PEX14: variants seen among roughly 807,000 people sequenced by gnomAD.
PEX14 encodes peroxisomal membrane protein PEX14.
Under a neutral mutation model 49.5 loss-of-function variants are expected in PEX14, and 15 were observed. The observed-to-expected ratio is 0.30, with a 90% CI of 0.20 to 0.47. PEX14 has a LOEUF of 0.47. Ranked by LOEUF, PEX14 falls within the 20% of genes least tolerant of loss-of-function variation. The pLI, the probability that PEX14 is intolerant of heterozygous loss-of-function variation, is 1.00. For missense variants in PEX14, 398 were observed against 494.8 expected, an observed-to-expected ratio of 0.80 and a Z score of 1.86; for synonymous variants, 210 against 212.7, an observed-to-expected ratio of 0.99 and a Z score of 0.11.
At chr1:10,559,869 C>T (rs1389698365) in intron 3 of PEX14, among the ~76,000 whole-genome samples, 2 of 152,114 alleles carry the variant, frequency 1.3e-5, no homozygotes, top group Non-Finnish European at 1.5e-5. Flanking sequence ...TGGGGAGCTG[C>T]GAGGCTGAGT....
chr1:10,485,580 A>G (rs1641354036), intron 1 of PEX14, among the ~76,000 whole-genome samples: 1 of 151,334 alleles, frequency 6.6e-6, no homozygotes, highest in African/African-American at 2.4e-5. Flanking sequence ...CTGCCTCCCA[A>G]AGTGCTGGAA....
At chr1:10,556,779 C>T (rs769177188) in intron 3 of PEX14, among the ~76,000 whole-genome samples, 4 of 152,204 alleles carry the variant, frequency 2.6e-5, no homozygotes, top group Non-Finnish European at 5.9e-5. Context: ...TACAGGAACA[C>T]ACTTCACAAA....
At chr1:10,530,615 C>T (rs760587311) in intron 2 of PEX14, among the ~76,000 whole-genome samples, 1 of 152,194 alleles carries the variant, frequency 6.6e-6, no homozygotes. Flanking sequence ...CTTGCAGAGG[C>T]GCGTATTGAA....
In PEX14 at chr1:10,495,062, G is replaced by C; in HGVS notation, c.37-212G>C. Reference sequence around the variant, plus strand: ...TGGAGTGGTGTGACAAGTGAACCCAGAAACAGTCTTCATCTTCCCTGGTGA... The same window carrying C: ...TGGAGTGGTGTGACAAGTGAACCCACAAACAGTCTTCATCTTCCCTGGTGA... On this transcript the variant is annotated intron_variant, in intron 1 of 8. Transcript: ENST00000356607. The surrounding 1 kb of genome is among the most constrained non-coding windows in gnomAD (Gnocchi z 4.2). 1.0e-6 allele frequency: 1 copy of C among 980,340 alleles called. No individual in the cohort carries two copies. The highest frequency in any genetic ancestry group is 1.2e-6 in the Non-Finnish European group (1 of 825,278). The allele number at this position is 980,340 out of a possible 1,614,324, so 60.7% of individuals were successfully genotyped here. A position where few individuals can be genotyped will look rare whatever the true frequency, so the allele number is the denominator to read the frequency against.
intron 3 of PEX14, among the ~76,000 whole-genome samples, chr1:10,552,579 A>ATCCATTTACTAAAAATCC (rs2124513219): frequency 6.6e-6 from 1 of 152,196 alleles, no homozygotes; most frequent in East Asian, 1.9e-4. Context: ...TGGAAAAATC[A>ATCCATTTACTAAAAATCC]TCTATCCATT....
chr1:10,627,657 G>A (rs931027987), intron 8 of PEX14, among the ~76,000 whole-genome samples: 66 of 152,256 alleles, frequency 4.3e-4, no homozygotes, highest in Non-Finnish European at 1.9e-4. Flanking sequence ...TTGGAGCAGA[G>A]GAGAACTTCC....
At chr1:10,479,026 C>A (rs1212161545) in intron 1 of PEX14, among the ~76,000 whole-genome samples, 2 of 151,684 alleles carry the variant, frequency 1.3e-5, no homozygotes, top group South Asian at 4.2e-4. Flanking sequence ...GCTGGGATTA[C>A]AGGTGTGAGC....
chr1:10,497,764 T>TGGG (rs1431450633), intron 2 of PEX14, among the ~76,000 whole-genome samples: 1 of 152,196 alleles, frequency 6.6e-6, no homozygotes, highest in Admixed American at 6.5e-5. Context: ...ATTTCAGTGT[T>TGGG]GGGGGAACAC....
chr1:10,489,055 A>G (rs1007015365), intron 1 of PEX14, among the ~76,000 whole-genome samples: 2 of 152,018 alleles, frequency 1.3e-5, no homozygotes, highest in Admixed American at 1.3e-4. Flanking sequence ...ATCTCGGCTC[A>G]CCGCAACCCC....
chr1:10,616,366 T>A lies in PEX14; in HGVS notation c.299-1966T>A, dbSNP rs144881455. Among the ~76,000 whole-genome samples the A allele has an allele frequency of 1.1e-3, 174 of 152,240 alleles. 3 individuals carry two copies. The East Asian group carries it at 0.021, about 18-fold the overall frequency. The stretch of plus-strand genomic sequence containing the variant: ...GACATGGAAGGTACCTCTGAAAACT[T>A]ACAGGCACAGGTGAGAACTGAGGGC... On this transcript the variant is annotated intron_variant, in intron 4 of 8. Transcript: ENST00000356607.
At chr1:10,519,465 C>T (rs1267587392) in intron 2 of PEX14, among the ~76,000 whole-genome samples, 1 of 152,110 alleles carries the variant, frequency 6.6e-6, no homozygotes, top group Non-Finnish European at 1.5e-5. Context: ...GGTTGTGATC[C>T]GGAATACCAC....
intron 1 of PEX14, among the ~76,000 whole-genome samples, chr1:10,477,300 G>C (rs1641212802): frequency 6.6e-6 from 1 of 152,004 alleles, no homozygotes; most frequent in Admixed American, 6.6e-5. Context: ...TTGATCTCCT[G>C]ACCTCATGAT....
Position 10,539,587 on chromosome 1 carries a change from A to G in PEX14, c.169+3290A>G, listed in dbSNP as rs951600633. 1.5e-4 allele frequency among the ~76,000 whole-genome samples: 3 copies of G among 20,608 alleles called. No individual in the cohort carries two copies. Among genetic ancestry groups the G allele is most frequent in the African/African-American group, 1.9e-4 (3 of 15,502 alleles). 13.5% of individuals were successfully genotyped at this position (20,608 alleles called of 152,430 possible). A position where few individuals can be genotyped will look rare whatever the true frequency, so the allele number is the denominator to read the frequency against. ...GACTGTGTGTGGGGTTTAAGCCCTC[A>G]TAGAACCAGTCTATATATAGAAGCA... On this transcript the variant is annotated intron_variant, in intron 3 of 8. Coordinates refer to ENST00000356607, the MANE Select transcript of PEX14 (RefSeq NM_004565.3). The surrounding 1 kb of genome is among the most constrained non-coding windows in gnomAD (Gnocchi z 4.6).
In PEX14 at chr1:10,494,632, G is replaced by A. The variant is rs981510018; in HGVS notation, c.37-642G>A. Among the ~76,000 whole-genome samples the A allele has an allele frequency of 8.5e-5, 13 of 152,214 alleles. No individual in the cohort carries two copies. Among genetic ancestry groups the A allele is most frequent in the African/African-American group, 2.9e-4 (12 of 41,456 alleles). The stretch of plus-strand genomic sequence containing the variant: ...CGGCCACAGTGCTGCCTGCTCGCCT[G>A]GAGGTTGGTCTGCTTATATGCCAGC... On this transcript the variant is annotated intron_variant, in intron 1 of 8. Transcript: ENST00000356607. This position sits in a 1 kb window ranked among gnomAD's most constrained non-coding sequence, Gnocchi z 4.3.
chr1:10,535,960 A>G (rs1423404131), intron 2 of PEX14: 1 of 466,928 alleles, frequency 2.1e-6, no homozygotes, highest in Non-Finnish European at 3.9e-6. Flanking sequence ...AGGAACAGGA[A>G]GGATCGTCGC....
rs1641585080 is a variant in PEX14 at position 10,497,242 on chromosome 1, T to A, written c.84+1921T>A. On this transcript the variant is annotated intron_variant, in intron 2 of 8. Coordinates refer to ENST00000356607, the MANE Select transcript of PEX14 (RefSeq NM_004565.3). ...CTGCTTCTTCCTCCTGGGAGTGGTG[T>A]TGGGAGGGTGTCAGGCAGAGGAGCC... is the stretch of plus-strand genomic sequence containing the variant. Among the ~76,000 whole-genome samples, 3 of 152,162 alleles carry A rather than the reference T, an allele frequency of 2.0e-5. No individual in the cohort carries two copies. In the South Asian group the frequency reaches 6.2e-4, roughly 32 times the overall value.
At chr1:10,540,863 G>C (rs1456817453) in intron 3 of PEX14, among the ~76,000 whole-genome samples, 2 of 152,166 alleles carry the variant, frequency 1.3e-5, no homozygotes, top group Admixed American at 1.3e-4. Flanking sequence ...GGCTCTGTGA[G>C]GGGCTGTCTG....
chr1:10,516,734 G>C (rs1641976493), intron 2 of PEX14, among the ~76,000 whole-genome samples: 1 of 152,224 alleles, frequency 6.6e-6, no homozygotes, highest in Admixed American at 6.5e-5. Flanking sequence ...AGATTAGGCT[G>C]AGCTGCCCCA....
Position 10,621,818 on chromosome 1 carries a change from A to C in PEX14, c.385-1201A>C, listed in dbSNP as rs185043676. On this transcript the variant is annotated intron_variant, in intron 5 of 8. Coordinates refer to ENST00000356607, the MANE Select transcript of PEX14 (RefSeq NM_004565.3). ...GAAGAATGATCTTCACTTAGGAGTC[A>C]CTCTGGAAATGAGTTCCCACAAACC... Among the ~76,000 whole-genome samples the C allele has an allele frequency of 9.9e-5, 15 of 152,250 alleles. No homozygotes were observed. In the East Asian group the frequency reaches 2.5e-3, roughly 25 times the overall value.
Sources: allele counts gnomAD v4.1 joint callset (sites outside exome capture counted in the v4.1 genomes callset), GRCh38; gene constraint gnomAD v4.1.1; non-coding constraint Gnocchi (gnomAD v3.1); transcripts MANE v1.5; gene names NCBI Gene and HGNC (gene_info 2026-07-23, HGNC 2026-07-21).